Variants in MLLT10 observed in about 807,000 individuals in gnomAD.
The protein encoded by MLLT10 is protein AF-10.
A neutral mutation model predicts 129.1 loss-of-function variants in MLLT10; 30 were observed. The ratio of observed to expected loss-of-function variants is 0.23; its 90% CI spans 0.17 to 0.32. MLLT10 has a LOEUF of 0.32. MLLT10 is among the 10% of genes least tolerant of loss of function. MLLT10 has a pLI of 1.00. For synonymous variants in MLLT10, 490 were observed against 446.4 expected (o/e 1.10, Z -1.23); for missense variants, 1,119 against 1,268.3 (o/e 0.88, Z 1.79).
intron 9 of MLLT10, among the ~76,000 whole-genome samples, chr10:21,670,119 AATG>A (rs751301219): frequency 2.6e-4 from 39 of 152,194 alleles, no homozygotes; most frequent in Non-Finnish European, 4.6e-4. Flanking sequence ...GTTAAAAAAA[AATG>A]ATGTTGCTTG....
At chr10:21,543,414 C>T (rs1251764339) in intron 3 of MLLT10, among the ~76,000 whole-genome samples, 1 of 152,114 alleles carries the variant, frequency 6.6e-6, no homozygotes, top group African/African-American at 2.4e-5. Context: ...AGCCATGTTG[C>T]CTGGCCAAGG....
At chr10:21,569,986 T>G (rs188152830) in intron 3 of MLLT10, among the ~76,000 whole-genome samples, 5 of 152,272 alleles carry the variant, frequency 3.3e-5, no homozygotes, top group Admixed American at 2.0e-4. Context: ...CTCGGCTCAT[T>G]GCAATCTCTG....
chr10:21,583,118 C>T (rs575475294), intron 3 of MLLT10, among the ~76,000 whole-genome samples: 37 of 152,004 alleles, frequency 2.4e-4, no homozygotes, highest in Non-Finnish European at 3.8e-4. Context: ...TGCAGTGAGC[C>T]GAGATTGAGC....
rs2057921110 is a variant in MLLT10, at chr10:21,730,960, T to C, written c.2124T>C (p.Asn708=). 1 of 1,614,148 alleles carries C rather than the reference T, an allele frequency of 6.2e-7. No individual in the cohort carries two copies. The highest frequency in any genetic ancestry group is 8.5e-7 in the Non-Finnish European group (1 of 1,180,026). Residue 708 remains asparagine (N), a synonymous_variant, in exon 17 of 23, where the codon AAT becomes AAC. Coordinates refer to ENST00000307729, the MANE Select transcript of MLLT10 (RefSeq NM_001195626.3). The part of the protein sequence containing the change: ...YDQPGNSSLE[N]LPPVAASIEQ... Reference sequence around the variant, plus strand: ...AACCAGGCAACAGCAGTTTGGAAAATCTGCCTCCAGTAGCAGCCAGCATAG... The same window carrying C: ...AACCAGGCAACAGCAGTTTGGAAAACCTGCCTCCAGTAGCAGCCAGCATAG...
intron 7 of MLLT10, among the ~76,000 whole-genome samples, chr10:21,616,425 T>C (rs747960957): frequency 4.6e-5 from 7 of 152,112 alleles, no homozygotes; most frequent in Non-Finnish European, 7.4e-5. Context: ...TTATCTAGTT[T>C]ACACCAATTC....
intron 13 of MLLT10, among the ~76,000 whole-genome samples, chr10:21,688,276 A>G (rs922256055): frequency 6.6e-6 from 1 of 152,184 alleles, no homozygotes; most frequent in Admixed American, 6.5e-5. Flanking sequence ...TGTAATAATT[A>G]CTTTTAAATT....
At chr10:21,567,295 A>G (rs1564425074) in intron 3 of MLLT10, among the ~76,000 whole-genome samples, 1 of 152,086 alleles carries the variant, frequency 6.6e-6, no homozygotes, top group African/African-American at 2.4e-5. Context: ...CAGGTTATCT[A>G]CCTTGTCTGT....
intron 13 of MLLT10, among the ~76,000 whole-genome samples, chr10:21,703,726 A>C (rs376064617): frequency 2.0e-5 from 3 of 151,864 alleles, no homozygotes; most frequent in African/African-American, 7.2e-5. Flanking sequence ...TTGTGTTTTT[A>C]GTAGAGACAG....
rs1378012569 is a variant in MLLT10 at position 21,709,084 on chromosome 10, C to T, written c.1700-4688C>T. Among the ~76,000 whole-genome samples the T allele has an allele frequency of 2.6e-5, 4 of 152,152 alleles. No homozygotes were observed. In the East Asian group the frequency reaches 7.7e-4, roughly 29 times the overall value. ...GTAGGTGACAGATCCAGCATTTGAA[C>T]CCAGTTTTGTCTAAGTCAAAAGCCT... is the stretch of plus-strand genomic sequence containing the variant. On this transcript the variant is annotated intron_variant, in intron 13 of 22. Transcript: ENST00000307729.
chr10:21,588,988 T>A (rs1457265252), intron 4 of MLLT10, among the ~76,000 whole-genome samples: 1 of 152,034 alleles, frequency 6.6e-6, no homozygotes, highest in East Asian at 1.9e-4. Flanking sequence ...CGCGCCCAGC[T>A]GATTTTTTTA....
intron 5 of MLLT10, among the ~76,000 whole-genome samples, chr10:21,601,338 G>T (rs1457312977): frequency 1.3e-5 from 2 of 152,116 alleles, no homozygotes; most frequent in Non-Finnish European, 2.9e-5. Flanking sequence ...ATTTGATAAG[G>T]ACTGTGGAAG....
intron 8 of MLLT10, among the ~76,000 whole-genome samples, chr10:21,620,800 T>C (rs1409160557): frequency 1.3e-5 from 2 of 151,564 alleles, no homozygotes; most frequent in African/African-American, 2.4e-5. Context: ...AAGCGATTCT[T>C]CTGCCTCACC....
At chr10:21,730,590 T>C (rs1370035528) in intron 16 of MLLT10, among the ~76,000 whole-genome samples, 1 of 152,338 alleles carries the variant, frequency 6.6e-6, no homozygotes, top group Middle Eastern at 3.4e-3. Context: ...TTTTGTCTTA[T>C]AATGCCATAC....
At chr10:21,613,779 C>T (rs1280908014) in intron 6 of MLLT10, among the ~76,000 whole-genome samples, 2 of 152,004 alleles carry the variant, frequency 1.3e-5, no homozygotes, top group Non-Finnish European at 2.9e-5. Context: ...GTGAAGCATG[C>T]CTGTAATCCC....
chr10:21,563,633 C>T (rs757195392), intron 3 of MLLT10, among the ~76,000 whole-genome samples: 5 of 152,128 alleles, frequency 3.3e-5, no homozygotes, highest in East Asian at 1.9e-4. Context: ...AGTTAAACTG[C>T]GTTTTGTTTA....
At chr10:21,638,298 T>G (rs1228576332) in intron 8 of MLLT10, among the ~76,000 whole-genome samples, 1 of 151,770 alleles carries the variant, frequency 6.6e-6, no homozygotes, top group Non-Finnish European at 1.5e-5. Context: ...ATTTTAAAGA[T>G]GCAACATTAC....
At chr10:21,639,162 CA>C (rs752651664) in intron 8 of MLLT10, among the ~76,000 whole-genome samples, 4 of 152,164 alleles carry the variant, frequency 2.6e-5, no homozygotes, top group African/African-American at 4.8e-5. Flanking sequence ...ATAGAAAAAA[CA>C]AACAGTTTCT....
chr10:21,589,180 TG>T (rs2042269200), intron 4 of MLLT10, among the ~76,000 whole-genome samples: 1 of 152,196 alleles, frequency 6.6e-6, no homozygotes, highest in Non-Finnish European at 1.5e-5. Context: ...TTTGCCCATC[TG>T]GTCAGTCTTT....
chr10:21,635,302 A>G (rs914076040), intron 8 of MLLT10, among the ~76,000 whole-genome samples: 4 of 152,086 alleles, frequency 2.6e-5, no homozygotes, highest in Non-Finnish European at 5.9e-5. Flanking sequence ...TTTGGGGTTG[A>G]TGGTGATGCT....
Sources: gnomAD v4.1 joint callset for allele counts (sites outside exome capture counted in the v4.1 genomes callset) on GRCh38, gnomAD v4.1.1 for gene constraint, MANE v1.5 for transcripts, NCBI Gene and HGNC (gene_info 2026-07-23, HGNC 2026-07-21) for gene names.